Variants in TBC1D14 observed in about 807,000 individuals in gnomAD.
The protein encoded by TBC1D14 is TBC1 domain family, member 14.
In TBC1D14, 26 loss-of-function variants were observed where a neutral mutation model predicts 79.0. That is an observed-to-expected ratio of 0.33 (90% CI 0.24 to 0.46). TBC1D14 has a LOEUF of 0.46. TBC1D14 is among the 20% of genes least tolerant of loss of function. The probability of loss-of-function intolerance (pLI) is 1.00; values close to 1 mark genes in which losing one functional copy is unlikely to be tolerated. For synonymous variants in TBC1D14, 394 were observed against 349.9 expected (o/e 1.13, Z -1.40); for missense variants, 769 against 887.6 (o/e 0.87, Z 1.70).
At chr4:7,021,404 T>G (rs1388663345) in intron 12 of TBC1D14, among the ~76,000 whole-genome samples, 1 of 152,158 alleles carries the variant, frequency 6.6e-6, no homozygotes, top group Non-Finnish European at 1.5e-5. Context: ...TCAAGACTAG[T>G]CTGGGCAACA....
chr4:7,024,343 C>T (rs1424456196), intron 12 of TBC1D14, among the ~76,000 whole-genome samples: 1 of 152,206 alleles, frequency 6.6e-6, no homozygotes, highest in Non-Finnish European at 1.5e-5. Context: ...AGAGGTCCTC[C>T]AGGAGGGGTG....
intron 3 of TBC1D14, among the ~76,000 whole-genome samples, chr4:6,968,664 G>T (rs1326860325): frequency 6.6e-6 from 1 of 152,234 alleles, no homozygotes; most frequent in Non-Finnish European, 1.5e-5. Context: ...AGCCCAGGAG[G>T]CTGACCGCCG....
At chr4:7,011,382 C>T (rs145785501) in intron 11 of TBC1D14, among the ~76,000 whole-genome samples, 3 of 152,072 alleles carry the variant, frequency 2.0e-5, no homozygotes, top group Non-Finnish European at 4.4e-5. Flanking sequence ...AAGCCCTCTG[C>T]GCAGTTCAGG....
intron 2 of TBC1D14, among the ~76,000 whole-genome samples, chr4:6,925,095 C>T (rs1479949514): frequency 6.6e-6 from 1 of 152,074 alleles, no homozygotes; most frequent in Non-Finnish European, 1.5e-5. Flanking sequence ...GAGTTCGAGA[C>T]CAGTCTGGCC....
intron 1 of TBC1D14, 105 bp from the exon 2 acceptor site, chr4:6,923,268 G>A: frequency 3.0e-6 from 4 of 1,328,490 alleles, no homozygotes; most frequent in South Asian, 1.5e-5. Flanking sequence ...ACCTTTTCAA[G>A]GCTTTCTCCC....
intron 1 of TBC1D14, among the ~76,000 whole-genome samples, chr4:6,916,090 C>T (rs574561743): frequency 4.0e-5 from 6 of 150,080 alleles, no homozygotes; most frequent in African/African-American, 1.2e-4. Flanking sequence ...TGTGCCACTG[C>T]GCTCCAGCCT....
intron 2 of TBC1D14, among the ~76,000 whole-genome samples, chr4:6,953,805 A>G (rs998610170): frequency 6.6e-6 from 1 of 152,138 alleles, no homozygotes; most frequent in African/African-American, 2.4e-5. Context: ...CTTGTGACTC[A>G]ACGGCAGACC....
At chr4:6,967,983 C>T (rs1715853564) in intron 3 of TBC1D14, among the ~76,000 whole-genome samples, 1 of 152,160 alleles carries the variant, frequency 6.6e-6, no homozygotes, top group Non-Finnish European at 1.5e-5. Context: ...AGAGATGCCA[C>T]TGCTGGAGGC....
At chr4:7,025,365 G>C in intron 13 of TBC1D14, 103 bp downstream of exon 13, 1 of 1,524,242 alleles carries the variant, frequency 6.6e-7, no homozygotes, top group Non-Finnish European at 8.8e-7. Flanking sequence ...TAGCCCCTTT[G>C]ATGGAGTCCC....
At chr4:6,938,432 C>T (rs932324499) in intron 2 of TBC1D14, among the ~76,000 whole-genome samples, 5 of 152,154 alleles carry the variant, frequency 3.3e-5, no homozygotes, top group African/African-American at 7.2e-5. Context: ...CGTGGTCACA[C>T]GAGCGTGAGG....
At chr4:6,933,426 T>C (rs1039451130) in intron 2 of TBC1D14, among the ~76,000 whole-genome samples, 9 of 151,026 alleles carry the variant, frequency 6.0e-5, no homozygotes, top group African/African-American at 2.2e-4. Context: ...CACCTCAGCC[T>C]CTGGAACAAC....
chr4:6,996,288 A>G, intron 4 of TBC1D14, 37 bp from the exon 5 acceptor site: 2 of 1,554,636 alleles, frequency 1.3e-6, no homozygotes, highest in Non-Finnish European at 8.9e-7. Context: ...TCTATGCGGT[A>G]TTTATAATGG....
At chr4:6,962,780 C>T (rs1577091428) in intron 2 of TBC1D14, among the ~76,000 whole-genome samples, 1 of 152,108 alleles carries the variant, frequency 6.6e-6, no homozygotes. Context: ...GAGAGGTTAC[C>T]TCTGTTGAGT....
At chr4:6,993,852 A>ATAAAAAAATAAAAAAAT (rs1718745168) in intron 3 of TBC1D14, among the ~76,000 whole-genome samples, 1 of 152,204 alleles carries the variant, frequency 6.6e-6, no homozygotes, top group Admixed American at 6.5e-5. Flanking sequence ...TCTACTAAAA[A>ATAAAAAAATAAAAAAAT]TAAAAAAATT....
intron 1 of TBC1D14, among the ~76,000 whole-genome samples, chr4:6,921,129 G>C (rs1483420754): frequency 6.6e-6 from 1 of 152,194 alleles, no homozygotes; most frequent in Non-Finnish European, 1.5e-5. Flanking sequence ...TTCTCAGTGT[G>C]CTGGGGCTGT....
At chr4:6,992,808 T>TC (rs1213334111) in intron 3 of TBC1D14, among the ~76,000 whole-genome samples, 1 of 152,084 alleles carries the variant, frequency 6.6e-6, no homozygotes, top group East Asian at 1.9e-4. Context: ...GTTCAGATGC[T>TC]TGAATCCAGC....
chr4:6,916,603 T>C (rs535262242), intron 1 of TBC1D14, among the ~76,000 whole-genome samples: 2 of 152,344 alleles, frequency 1.3e-5, no homozygotes, highest in South Asian at 4.1e-4. Flanking sequence ...CTGACTTGTA[T>C]TGAAGTGAAG....
At chr4:6,997,853 A>G (rs554444344) in intron 5 of TBC1D14, among the ~76,000 whole-genome samples, 3 of 152,238 alleles carry the variant, frequency 2.0e-5, no homozygotes, top group South Asian at 2.1e-4. Context: ...GATGGGTGCT[A>G]GGGGTTGGGG....
chr4:7,025,643 C>G (rs373994889), intron 13 of TBC1D14, among the ~76,000 whole-genome samples: 6 of 152,218 alleles, frequency 3.9e-5, no homozygotes, highest in African/African-American at 1.4e-4. Flanking sequence ...CTTACTGAGC[C>G]CCGTGGCCAT....
Sources: allele counts gnomAD v4.1 joint callset (sites outside exome capture counted in the v4.1 genomes callset), GRCh38; gene constraint gnomAD v4.1.1; transcripts MANE v1.5; gene names NCBI Gene and HGNC (gene_info 2026-07-23, HGNC 2026-07-21).